The following NRXN3 variants were observed in gnomAD, a reference collection of about 807,000 sequenced individuals.
The protein encoded by NRXN3 is neurexin 3.
A neutral mutation model predicts 137.6 loss-of-function variants in NRXN3; 32 were observed. That is an observed-to-expected ratio of 0.23 (90% CI 0.18 to 0.31). NRXN3 has a LOEUF of 0.31. NRXN3 is among the 10% of genes least tolerant of loss of function. The probability of loss-of-function intolerance (pLI) is 1.00; values close to 1 mark genes in which losing one functional copy is unlikely to be tolerated. For missense variants in NRXN3, 1,574 were observed against 2,062.5 expected (o/e 0.76, Z 4.59); for synonymous variants, 798 against 784.5 (o/e 1.02, Z -0.29).
intron 1 of NRXN3, among the ~76,000 whole-genome samples, chr14:78,196,502 C>T (rs902840771): frequency 8.5e-5 from 13 of 152,356 alleles, no homozygotes; most frequent in Non-Finnish European, 1.3e-4. Flanking sequence ...GCGGTCTCTG[C>T]GCCCTAAAGG....
intron 4 of NRXN3, among the ~76,000 whole-genome samples, chr14:78,583,784 TG>T (rs1326792243): frequency 6.6e-6 from 1 of 152,184 alleles, no homozygotes; most frequent in Non-Finnish European, 1.5e-5. Flanking sequence ...CAGCTTGCCC[TG>T]CTTGTTGAAA....
At chr14:78,494,871 G>A (rs1279007709) in intron 4 of NRXN3, among the ~76,000 whole-genome samples, 3 of 144,718 alleles carry the variant, frequency 2.1e-5, no homozygotes, top group Non-Finnish European at 4.6e-5. Context: ...GGCCTGAGAT[G>A]CCTCAGAGTG....
chr14:78,827,765 T>C (rs2098971095), intron 10 of NRXN3, among the ~76,000 whole-genome samples: 1 of 152,254 alleles, frequency 6.6e-6, no homozygotes, highest in Admixed American at 6.5e-5. Flanking sequence ...CTCAGCCTCA[T>C]GGCCAGGCCT....
At chr14:78,521,681 A>T (rs954923314) in intron 4 of NRXN3, among the ~76,000 whole-genome samples, 1 of 152,188 alleles carries the variant, frequency 6.6e-6, no homozygotes, top group African/African-American at 2.4e-5. Context: ...AAAAACATAT[A>T]AAAACCTTAA....
chr14:79,452,561 G>T (rs1208698481), intron 15 of NRXN3, among the ~76,000 whole-genome samples: 1 of 152,146 alleles, frequency 6.6e-6, no homozygotes, highest in African/African-American at 2.4e-5. Context: ...TTATTCCAGG[G>T]CCTGATGACC....
intron 19 of NRXN3, among the ~76,000 whole-genome samples, chr14:79,766,207 A>G (rs948152988): frequency 6.6e-6 from 1 of 152,120 alleles, no homozygotes; most frequent in African/African-American, 2.4e-5. Context: ...TTTAGATAAA[A>G]GGTTTCATAT....
intron 15 of NRXN3, among the ~76,000 whole-genome samples, chr14:79,288,574 A>T (rs1301784016): frequency 1.3e-5 from 2 of 152,218 alleles, no homozygotes; most frequent in Non-Finnish European, 2.9e-5. Context: ...AGAGAGGTTA[A>T]GTGGCTTGAT....
intron 15 of NRXN3, among the ~76,000 whole-genome samples, chr14:79,112,621 T>G (rs1416460587): frequency 2.6e-5 from 4 of 152,226 alleles, no homozygotes; most frequent in Non-Finnish European, 4.4e-5. Flanking sequence ...TCAGAAGTGT[T>G]GTCTGCACAT....
At chr14:79,499,055 T>C (rs1275250530) in intron 16 of NRXN3, among the ~76,000 whole-genome samples, 1 of 152,206 alleles carries the variant, frequency 6.6e-6, no homozygotes, top group Admixed American at 6.5e-5. Flanking sequence ...GCCAATCTTT[T>C]CTCCTCAAAG....
chr14:79,024,656 G>A (rs985844558), intron 15 of NRXN3, among the ~76,000 whole-genome samples: 2 of 152,116 alleles, frequency 1.3e-5, no homozygotes, highest in Non-Finnish European at 2.9e-5. Context: ...AGAGACACAT[G>A]ATAATGATGG....
intron 15 of NRXN3, among the ~76,000 whole-genome samples, chr14:79,114,704 A>G (rs958123680): frequency 2.6e-5 from 4 of 152,048 alleles, no homozygotes; most frequent in African/African-American, 9.7e-5. Flanking sequence ...CCTGGTCAAT[A>G]TTTTGGAGAG....
intron 4 of NRXN3, among the ~76,000 whole-genome samples, chr14:78,530,481 A>G (rs929087808): frequency 2.3e-4 from 35 of 152,134 alleles, no homozygotes; most frequent in African/African-American, 7.5e-4. Flanking sequence ...TGCCTGGAGG[A>G]TGGAAAAGGG....
chr14:79,126,353 T>C, intron 15 of NRXN3, among the ~76,000 whole-genome samples: 1 of 112,080 alleles, frequency 8.9e-6, no homozygotes, highest in Admixed American at 1.3e-4. Flanking sequence ...GTCCCCAGAG[T>C]GTGATGTTCC....
intron 15 of NRXN3, among the ~76,000 whole-genome samples, chr14:78,988,964 C>T (rs981079966): frequency 3.3e-5 from 5 of 152,090 alleles, no homozygotes; most frequent in South Asian, 4.1e-4. Context: ...ATGGTGGAGA[C>T]ACCTCAATGC....
chr14:79,107,148 A>T (rs2052598589), intron 15 of NRXN3, among the ~76,000 whole-genome samples: 1 of 152,166 alleles, frequency 6.6e-6, no homozygotes, highest in Admixed American at 6.6e-5. Flanking sequence ...TGCTGGACCT[A>T]AGAGCCCTCC....
At chr14:78,518,943 G>GA (rs1259847232) in intron 4 of NRXN3, among the ~76,000 whole-genome samples, 1 of 151,956 alleles carries the variant, frequency 6.6e-6, no homozygotes, top group African/African-American at 2.4e-5. Flanking sequence ...TAGTATTGAG[G>GA]AAAAATAACC....
intron 10 of NRXN3, among the ~76,000 whole-genome samples, chr14:78,911,964 C>T (rs534879513): frequency 7.9e-5 from 12 of 151,712 alleles, no homozygotes; most frequent in African/African-American, 2.9e-4. Flanking sequence ...TACATGTGCA[C>T]AACGTGCAGG....
chr14:78,571,245 A>G (rs1215598637), intron 4 of NRXN3, among the ~76,000 whole-genome samples: 2 of 152,220 alleles, frequency 1.3e-5, no homozygotes, highest in South Asian at 2.1e-4. Context: ...TCTCTGGAGC[A>G]TGGATTGGAG....
chr14:78,754,049 G>A (rs950953991), intron 8 of NRXN3, among the ~76,000 whole-genome samples: 1 of 152,192 alleles, frequency 6.6e-6, no homozygotes, highest in East Asian at 1.9e-4. Context: ...AAGGGTGTGA[G>A]GGGAAACCTT....
Sources: allele counts gnomAD v4.1 joint callset (sites outside exome capture counted in the v4.1 genomes callset), GRCh38; gene constraint gnomAD v4.1.1; transcripts MANE v1.5; gene names NCBI Gene and HGNC (gene_info 2026-07-23, HGNC 2026-07-21).